Variants in SLC7A13 observed in about 807,000 individuals in gnomAD.
SLC7A13 encodes the protein solute carrier family 7 member 13, also known as X-amino acid transporter 2.
SLC7A13 carries 31 observed loss-of-function variants against 32.0 expected under a neutral mutation model. The ratio of observed to expected loss-of-function variants is 0.97; its 90% confidence interval spans 0.73 to 1.31. SLC7A13 has a LOEUF of 1.31. Among genes scored for constraint, SLC7A13 ranks in the 50% most tolerant of loss-of-function variants. The pLI, the probability that SLC7A13 is intolerant of heterozygous loss-of-function variation, is 0.00. For missense variants in SLC7A13, 633 were observed against 546.9 expected (o/e 1.16, Z -1.57); for synonymous variants, 232 against 206.9 (o/e 1.12, Z -1.04).
At chr8:86,218,343 G>A (rs1406797639) in intron 2 of SLC7A13, among the ~76,000 whole-genome samples, 1 of 152,114 alleles carries the variant, frequency 6.6e-6, no homozygotes, top group Non-Finnish European at 1.5e-5. Context: ...ACAGAAAAAG[G>A]AACCATGTAG....
intron 3 of SLC7A13, among the ~76,000 whole-genome samples, chr8:86,216,818 G>T (rs1820188795): frequency 6.6e-6 from 1 of 152,134 alleles, no homozygotes; most frequent in African/African-American, 2.4e-5. Flanking sequence ...GAGGATTAAA[G>T]GTGATCATCC....
Position 86,217,618 on chromosome 8 carries a change from A to G in SLC7A13, c.1031T>C (p.Val344Ala). Reference protein sequence around the residue: ...SSPFTAVLLLVTLGSLAIILT... With the variant: ...SSPFTAVLLLATLGSLAIILT... ...GATAATTGCAAGGGATCCCAAAGTG[A>G]CAAGTAGTAGCACAGCTGTAAATGG... Residue 344 changes from valine (V) to alanine (A), a missense_variant, in exon 3 of 4, where the codon GTC becomes GCC. Physicochemically the swap from Val to Ala is moderately conservative, Grantham distance 64. Coordinates refer to ENST00000297524, the MANE Select transcript of SLC7A13 (RefSeq NM_138817.3). 1.9e-6 allele frequency: 3 copies of G among 1,613,444 alleles called. No individual in the cohort carries two copies. Among genetic ancestry groups the G allele is most frequent in the Non-Finnish European group, 2.5e-6 (3 of 1,179,634 alleles).
At chr8:86,221,027 A>T (rs544900178) in intron 2 of SLC7A13, among the ~76,000 whole-genome samples, 1 of 152,020 alleles carries the variant, frequency 6.6e-6, no homozygotes, top group African/African-American at 2.4e-5. Flanking sequence ...TTTTGCTTAT[A>T]ACTTTCCCCC....
In SLC7A13 at chr8:86,214,583, C is replaced by A. The variant is rs757967473; in HGVS notation, c.1243G>T (p.Val415Leu). 6.2e-7 allele frequency: 1 copy of A among 1,613,698 alleles called. No individual in the cohort carries two copies. The highest frequency in any genetic ancestry group is 8.5e-7 in the Non-Finnish European group (1 of 1,179,824). Residue 415 changes from valine to leucine, a missense_variant, in exon 4 of 4, where the codon GTA (valine) becomes TTA (leucine). By Grantham distance (32) the Val-to-Leu change is conservative (BLOSUM62 1). Transcript: ENST00000297524. ...IDVGLVVIPL[V>L]KSPNVHYVYV... ...ACATAATGCACATTTGGAGACTTTACCAATGGTATCACAACCAAGCCCACG... is the reference window on the plus strand; with the variant it reads ...ACATAATGCACATTTGGAGACTTTAACAATGGTATCACAACCAAGCCCACG...
At chr8:86,218,581 A>G (rs1216594719) in intron 2 of SLC7A13, among the ~76,000 whole-genome samples, 1 of 152,148 alleles carries the variant, frequency 6.6e-6, no homozygotes, top group African/African-American at 2.4e-5. Context: ...ACAATTCTCT[A>G]CAACAAAAAA....
chr8:86,228,319 C>A (rs1466245332), intron 1 of SLC7A13, among the ~76,000 whole-genome samples: 1 of 151,884 alleles, frequency 6.6e-6, no homozygotes, highest in Non-Finnish European at 1.5e-5. Flanking sequence ...GAGCCTCTTT[C>A]GGGCTCCTAT....
chr8:86,220,241 G>A (rs1820270909), intron 2 of SLC7A13, among the ~76,000 whole-genome samples: 1 of 152,026 alleles, frequency 6.6e-6, no homozygotes, highest in Non-Finnish European at 1.5e-5. Context: ...GAACTCTCAA[G>A]AAAATCAAAT....
chr8:86,215,710 A>G, intron 3 of SLC7A13: 1 of 446,838 alleles, frequency 2.2e-6, no homozygotes, highest in South Asian at 1.6e-5. Context: ...AAAAGAAAAA[A>G]CAAAGAATCT....
In SLC7A13 at chr8:86,222,969, A is replaced by T; in HGVS notation, c.817+3T>A. The stretch of plus-strand genomic sequence containing the variant: ...TTATTGCTTTAGCCATTTGCATACA[A>T]ACCTGAAGAGAGAATTTCCCTGGGT... On this transcript the variant is annotated splice_donor_region_variant and intron_variant, in intron 2 of 3. Coordinates refer to ENST00000297524, the MANE Select transcript of SLC7A13 (RefSeq NM_138817.3). The T allele has an allele frequency of 6.3e-7, 1 of 1,596,484 alleles. No individual in the cohort carries two copies. Among genetic ancestry groups the T allele is most frequent in the Non-Finnish European group, 8.5e-7 (1 of 1,172,824 alleles).
At chr8:86,218,600 T>C (rs1380513093) in intron 2 of SLC7A13, among the ~76,000 whole-genome samples, 1 of 151,810 alleles carries the variant, frequency 6.6e-6, no homozygotes, top group Non-Finnish European at 1.5e-5. Flanking sequence ...AATTATATAG[T>C]ATAAAATGTT....
chr8:86,225,861 G>T (rs1044751083), intron 1 of SLC7A13, among the ~76,000 whole-genome samples: 1 of 152,152 alleles, frequency 6.6e-6, no homozygotes, highest in South Asian at 2.1e-4. Context: ...AGCCCAGAAG[G>T]TCAAGGCTGC....
chr8:86,226,654 T>C (rs931424960), intron 1 of SLC7A13, among the ~76,000 whole-genome samples: 1 of 152,226 alleles, frequency 6.6e-6, no homozygotes, highest in Non-Finnish European at 1.5e-5. Context: ...TTCGTCTCTA[T>C]GTACTTGCCT....
chr8:86,228,901 A>C (rs1180814607), intron 1 of SLC7A13, among the ~76,000 whole-genome samples: 2 of 151,934 alleles, frequency 1.3e-5, no homozygotes, highest in East Asian at 3.9e-4. Context: ...AGGTGGTCTC[A>C]AACTCCTAGC....
chr8:86,230,206 A>T lies in SLC7A13; in HGVS notation c.72T>A (p.Ile24=), dbSNP rs267602026. Residue 24 remains isoleucine (I), a synonymous_variant, in exon 1 of 4, where the codon ATT becomes ATA. Transcript: ENST00000297524. The part of the protein sequence containing the change: ...GYWWGTSFLL[I]NIIGAGIFVS... The stretch of plus-strand genomic sequence containing the variant: ...CAAAAATTCCTGCACCAATGATATT[A>T]ATAAGCAAAAAACTTGTGCCCCACC... 2 of 1,614,058 alleles carry T rather than the reference A, an allele frequency of 1.2e-6. No homozygotes were observed. The highest frequency in any genetic ancestry group is 8.5e-7 in the Non-Finnish European group (1 of 1,179,968).
intron 3 of SLC7A13, among the ~76,000 whole-genome samples, chr8:86,217,024 T>C (rs1283719368): frequency 6.6e-6 from 1 of 152,194 alleles, no homozygotes; most frequent in East Asian, 1.9e-4. Flanking sequence ...CAGTTTAAAA[T>C]AAGTAAAGTT....
chr8:86,216,067 G>T (rs1311331495), intron 3 of SLC7A13, among the ~76,000 whole-genome samples: 1 of 152,094 alleles, frequency 6.6e-6, no homozygotes, highest in East Asian at 1.9e-4. Flanking sequence ...TCAGCTACTA[G>T]CCAAGCAACT....
chr8:86,216,937 T>C (rs1431227808), intron 3 of SLC7A13, among the ~76,000 whole-genome samples: 1 of 152,202 alleles, frequency 6.6e-6, no homozygotes, highest in Admixed American at 6.5e-5. Context: ...CTACCAAGTT[T>C]TGCTGCTTAT....
At chr8:86,222,938 C>T in intron 2 of SLC7A13, 34 bp downstream of exon 2, 2 of 1,551,180 alleles carry the variant, frequency 1.3e-6, no homozygotes. Flanking sequence ...AGGACCAGCA[C>T]TTTATTTATT....
intron 3 of SLC7A13, among the ~76,000 whole-genome samples, chr8:86,216,103 A>G (rs1366388576): frequency 6.6e-6 from 1 of 152,186 alleles, no homozygotes; most frequent in East Asian, 1.9e-4. Context: ...ACTCTTAATG[A>G]TTATCTTATA....
Sources: allele counts gnomAD v4.1 joint callset (sites outside exome capture counted in the v4.1 genomes callset), GRCh38; gene constraint gnomAD v4.1.1; transcripts MANE v1.5; gene names NCBI Gene and HGNC (gene_info 2026-07-23, HGNC 2026-07-21).